The following PMP2 variants were observed in gnomAD, a reference collection of about 807,000 sequenced individuals.
PMP2 encodes myelin P2 protein.
PMP2 carries 11 observed loss-of-function variants against 15.9 expected under a neutral mutation model. The observed-to-expected ratio is 0.69, with a 90% CI of 0.44 to 1.14. The LOEUF (loss-of-function observed/expected upper bound fraction) is 1.14, where lower values mean the gene tolerates loss of function less well. PMP2 is among the 50% of genes most tolerant of loss of function. PMP2 has a pLI of 0.00. For missense variants in PMP2, 151 were observed against 154.0 expected (o/e 0.98, Z 0.10); for synonymous variants, 55 against 54.1 (o/e 1.02, Z -0.07).
At chr8:81,445,432 C>G (rs1277947523) in intron 1 of PMP2, among the ~76,000 whole-genome samples, 1 of 152,078 alleles carries the variant, frequency 6.6e-6, no homozygotes, top group Non-Finnish European at 1.5e-5. Context: ...ACCGTGTTAG[C>G]CAGGATGGTC....
In PMP2 at chr8:81,441,805, T is replaced by C. The variant is rs1206469405; in HGVS notation, c.*1593A>G. 6.6e-6 allele frequency: 1 copy of C among 152,144 alleles called. No homozygotes were observed. Among genetic ancestry groups the C allele is most frequent in the Non-Finnish European group, 1.5e-5 (1 of 67,996 alleles). 9.4% of individuals were successfully genotyped at this position (152,144 alleles called of 1,614,324 possible). On this transcript the variant is annotated 3_prime_UTR_variant, in exon 4 of 4. Coordinates refer to ENST00000256103, the MANE Select transcript of PMP2 (RefSeq NM_002677.5). ...TGGCAATATACCTCTATTTTTTTTT[T>C]TAACATTACTTTCTGGCATAACAAG...
chr8:81,445,904 A>G (rs1807440846), intron 1 of PMP2, among the ~76,000 whole-genome samples: 2 of 152,128 alleles, frequency 1.3e-5, no homozygotes, highest in South Asian at 4.2e-4. Flanking sequence ...AATATTTTTT[A>G]AAAAACTCTT....
intron 1 of PMP2, 70 bp downstream of exon 1, chr8:81,447,244 G>T: frequency 8.9e-7 from 1 of 1,123,906 alleles, no homozygotes; most frequent in Non-Finnish European, 1.4e-6. Context: ...GTTAAAAGTA[G>T]TAGATGAAAA....
rs1248571311 is a variant in PMP2 at position 81,441,155 on chromosome 8, G to A, written c.*2243C>T. 6.6e-6 allele frequency: 1 copy of A among 151,810 alleles called. No individual in the cohort carries two copies. Among genetic ancestry groups the A allele is most frequent in the East Asian group, 2.0e-4 (1 of 5,126 alleles). 9.4% of individuals were successfully genotyped at this position (151,810 alleles called of 1,614,324 possible). On this transcript the variant is annotated 3_prime_UTR_variant, in exon 4 of 4. Transcript: ENST00000256103. ...CGTTTCTGGTTGTTGTTGTTACAGT[G>A]ATGTTGTTTCCTTCTCAGTGGGTCA... is the stretch of plus-strand genomic sequence containing the variant.
chr8:81,444,817 CT>C lies in PMP2; in HGVS notation c.245del (p.Lys82ArgfsTer4). On this transcript the variant is annotated frameshift_variant and splice_region_variant, in exon 2 of 4. Coordinates refer to ENST00000256103, the MANE Select transcript of PMP2 (RefSeq NM_002677.5). LOFTEE classifies it high-confidence loss of function. ...EETTADNRKTKSIVTLQRGSL... is the reference protein window; with the variant it reads ...EETTADNRKTXSIVTLQRGSL... ...TTTGAAGAGAAACATTAAAGATTAC[CT>C]TGGTCTTTCTATTGTCAGCTGTGGT... 3.7e-6 allele frequency: 6 copies of C among 1,612,604 alleles called. No homozygotes were observed. In the Middle Eastern group the frequency reaches 6.6e-4, roughly 178 times the overall value.
intron 1 of PMP2, 62 bp from the exon 2 acceptor site, chr8:81,445,051 G>T (rs1023812450): frequency 4.2e-6 from 6 of 1,429,210 alleles, no homozygotes; most frequent in African/African-American, 1.4e-5. Flanking sequence ...AGAGACTGTG[G>T]TGGCCACATC....
At chr8:81,446,662 C>T (rs148169155) in intron 1 of PMP2, among the ~76,000 whole-genome samples, 106 of 152,294 alleles carry the variant, frequency 7.0e-4, no homozygotes, top group African/African-American at 2.5e-3. Flanking sequence ...ACTAATGACT[C>T]GGTTTTCCAT....
In PMP2 at chr8:81,445,545, T is replaced by C. The variant is rs577988259; in HGVS notation, c.74-556A>G. 3.2e-4 allele frequency among the ~76,000 whole-genome samples: 49 copies of C among 152,188 alleles called. No individual in the cohort carries two copies. In the South Asian group the frequency reaches 5.6e-3, roughly 17 times the overall value. ...GCCAATGTCTGCAGATTTTCAAGAGTAAAAGTTTCCAGCTGAAATAGCTAC... is the reference window on the plus strand; with the variant it reads ...GCCAATGTCTGCAGATTTTCAAGAGCAAAAGTTTCCAGCTGAAATAGCTAC... On this transcript the variant is annotated intron_variant, in intron 1 of 3. Transcript: ENST00000256103.
chr8:81,440,874 C>G lies in PMP2; in HGVS notation c.*2524G>C, dbSNP rs938541108. On this transcript the variant is annotated 3_prime_UTR_variant, in exon 4 of 4. Coordinates refer to ENST00000256103, the MANE Select transcript of PMP2 (RefSeq NM_002677.5). ...TCAAAATACTTTATTGTGTATTTTC[C>G]AAGAATAGGGATTTTTTTTACTTAA... 1 of 151,906 alleles carries G rather than the reference C, an allele frequency of 6.6e-6. No homozygotes were observed. Among genetic ancestry groups the G allele is most frequent in the Non-Finnish European group, 1.5e-5 (1 of 67,998 alleles). The allele number at this position is 151,906 out of a possible 1,614,324, so 9.4% of individuals were successfully genotyped here. A position where few individuals can be genotyped will look rare whatever the true frequency, so the allele number is the denominator to read the frequency against.
chr8:81,442,469 C>T lies in PMP2; in HGVS notation c.*929G>A, dbSNP rs1807367512. On this transcript the variant is annotated 3_prime_UTR_variant, in exon 4 of 4. Transcript: ENST00000256103. ...TAGCAGCCGAAAATTAGAAATAGCT[C>T]AATTGTCTTAATAGTAGAATGGATA... 6.6e-6 allele frequency: 1 copy of T among 152,376 alleles called. No homozygotes were observed. The highest frequency in any genetic ancestry group is 1.5e-5 in the Non-Finnish European group (1 of 67,958). The allele number at this position is 152,376 out of a possible 1,614,324, so 9.4% of individuals were successfully genotyped here. A position where few individuals can be genotyped will look rare whatever the true frequency, so the allele number is the denominator to read the frequency against.
chr8:81,443,374 C>T lies in PMP2; in HGVS notation c.*24G>A. 1 of 1,515,434 alleles carries T rather than the reference C, an allele frequency of 6.6e-7. No homozygotes were observed. Among genetic ancestry groups the T allele is most frequent in the South Asian group, 1.2e-5 (1 of 84,074 alleles). The allele number at this position is 1,515,434 out of a possible 1,614,324, so 93.9% of individuals were successfully genotyped here. ...ATTTCCATCATTAAATGATAAAAAGCCACTTCAATGAAGAAATGATTTTTC... is the reference window on the plus strand; with the variant it reads ...ATTTCCATCATTAAATGATAAAAAGTCACTTCAATGAAGAAATGATTTTTC... On this transcript the variant is annotated 3_prime_UTR_variant, in exon 4 of 4. Coordinates refer to ENST00000256103, the MANE Select transcript of PMP2 (RefSeq NM_002677.5).
intron 1 of PMP2, 48 bp from the exon 2 acceptor site, chr8:81,445,037 C>T (rs1563518466): frequency 1.3e-6 from 2 of 1,534,468 alleles, no homozygotes; most frequent in Admixed American, 1.8e-5. Flanking sequence ...GAGAGCATAG[C>T]CAAAGAGACT....
At position 81,441,895 on chromosome 8, in the gene PMP2, C is replaced by A. The variant is rs1458741987; in HGVS notation, c.*1503G>T. Reference sequence around the variant, plus strand: ...TGGAATCATCCATTTTTCCAAGTAGCCTTGGTTCCTTTTAGTGGCAAACTA... The same window carrying A: ...TGGAATCATCCATTTTTCCAAGTAGACTTGGTTCCTTTTAGTGGCAAACTA... On this transcript the variant is annotated 3_prime_UTR_variant, in exon 4 of 4. Coordinates refer to ENST00000256103, the MANE Select transcript of PMP2 (RefSeq NM_002677.5). The A allele has an allele frequency of 6.6e-6, 1 of 151,830 alleles. No homozygotes were observed. Among genetic ancestry groups the A allele is most frequent in the East Asian group, 1.9e-4 (1 of 5,176 alleles). The allele number at this position is 151,830 out of a possible 1,614,324, so 9.4% of individuals were successfully genotyped here.
intron 1 of PMP2, among the ~76,000 whole-genome samples, chr8:81,446,182 A>G (rs1207805073): frequency 6.6e-6 from 1 of 152,204 alleles, no homozygotes; most frequent in Non-Finnish European, 1.5e-5. Flanking sequence ...GTTATTTTAT[A>G]CAGTTTAGGA....
chr8:81,447,224 C>T, intron 1 of PMP2, 90 bp downstream of exon 1: 2 of 925,652 alleles, frequency 2.2e-6, no homozygotes, highest in South Asian at 2.6e-5. Flanking sequence ...GCAAAACTCC[C>T]CAGTATCCTG....
chr8:81,447,203 A>G, intron 1 of PMP2, 111 bp downstream of exon 1: 1 of 748,064 alleles, frequency 1.3e-6, no homozygotes, highest in East Asian at 2.6e-5. Context: ...AGAGGATTGT[A>G]CTGCAGCCTT....
chr8:81,444,260 C>G (rs1563518074), intron 3 of PMP2, among the ~76,000 whole-genome samples: 1 of 152,124 alleles, frequency 6.6e-6, no homozygotes, highest in Admixed American at 6.5e-5. Context: ...AACCTTACTA[C>G]CATTTTTAGG....
chr8:81,445,771 C>T (rs1011176659), intron 1 of PMP2, among the ~76,000 whole-genome samples: 1 of 151,844 alleles, frequency 6.6e-6, no homozygotes, highest in Non-Finnish European at 1.5e-5. Context: ...AGAAGTATTC[C>T]CCTCATATTT....
chr8:81,444,000 C>A (rs1586351103), intron 3 of PMP2, among the ~76,000 whole-genome samples: 1 of 151,960 alleles, frequency 6.6e-6, no homozygotes, highest in African/African-American at 2.4e-5. Context: ...TCATCACATA[C>A]AACCTTTGTC....
Sources: allele counts gnomAD v4.1 joint callset (sites outside exome capture counted in the v4.1 genomes callset), GRCh38; gene constraint gnomAD v4.1.1; transcripts MANE v1.5; gene names NCBI Gene and HGNC (gene_info 2026-07-23, HGNC 2026-07-21).